The following IQCM variants were observed in gnomAD, a reference collection of about 807,000 sequenced individuals.
The protein encoded by IQCM is IQ domain-containing protein M.
In IQCM, 45 loss-of-function variants were observed where a neutral mutation model predicts 57.6. The observed-to-expected ratio is 0.78, with a 90% CI of 0.62 to 1.00. IQCM has a LOEUF of 1.00. Among genes scored for constraint, IQCM ranks in the 50% least tolerant of loss-of-function variants. The probability of loss-of-function intolerance (pLI) is 0.00; values close to 1 mark genes in which losing one functional copy is unlikely to be tolerated. For synonymous variants in IQCM, 148 were observed against 158.9 expected (o/e 0.93, Z 0.51); for missense variants, 468 against 511.6 (o/e 0.91, Z 0.82).
chr4:149,499,966 C>T (rs1743069835), intron 12 of IQCM, among the ~76,000 whole-genome samples: 2 of 152,202 alleles, frequency 1.3e-5, no homozygotes. Flanking sequence ...CTATAATGCA[C>T]TCCATTGTAA....
chr4:149,654,960 T>C (rs1252318604), intron 7 of IQCM, among the ~76,000 whole-genome samples: 8 of 144,252 alleles, frequency 5.5e-5, no homozygotes, highest in Non-Finnish European at 1.1e-4. Context: ...ATGTTTAAAA[T>C]TTCTTTTAAC....
At chr4:149,391,866 T>C (rs1232464417) in intron 13 of IQCM, among the ~76,000 whole-genome samples, 1 of 151,984 alleles carries the variant, frequency 6.6e-6, no homozygotes, top group Middle Eastern at 3.2e-3. Context: ...TCCTTGTACA[T>C]TTATTGAGGT....
intron 13 of IQCM, among the ~76,000 whole-genome samples, chr4:149,390,886 T>A (rs185406510): frequency 2.6e-5 from 4 of 151,896 alleles, no homozygotes; most frequent in Middle Eastern, 3.2e-3. Flanking sequence ...GTTTTGTTTT[T>A]TTTTTCTTTA....
At chr4:149,713,160 A>G (rs952178364) in intron 5 of IQCM, among the ~76,000 whole-genome samples, 2 of 152,008 alleles carry the variant, frequency 1.3e-5, no homozygotes, top group East Asian at 1.9e-4. Flanking sequence ...CCACTTTCCA[A>G]TCACCACTTT....
At chr4:149,578,958 C>T (rs563578143) in intron 9 of IQCM, among the ~76,000 whole-genome samples, 229 of 151,954 alleles carry the variant, frequency 1.5e-3, no homozygotes, top group Middle Eastern at 3.4e-3. Context: ...CCTCTCTATT[C>T]ACCCTCTTAA....
At chr4:149,656,149 C>A (rs1759618178) in intron 7 of IQCM, among the ~76,000 whole-genome samples, 1 of 151,920 alleles carries the variant, frequency 6.6e-6, no homozygotes, top group African/African-American at 2.4e-5. Flanking sequence ...CAAAGGAGAG[C>A]ATACATAAAA....
At chr4:149,603,893 T>C (rs947088554) in intron 8 of IQCM, among the ~76,000 whole-genome samples, 13 of 152,130 alleles carry the variant, frequency 8.5e-5, no homozygotes, top group African/African-American at 3.1e-4. Flanking sequence ...TTGAACTATG[T>C]GTATATGCAC....
chr4:149,741,256 G>A (rs1376499731), intron 3 of IQCM, among the ~76,000 whole-genome samples: 1 of 151,898 alleles, frequency 6.6e-6, no homozygotes, highest in Non-Finnish European at 1.5e-5. Flanking sequence ...CTTATTCTCT[G>A]GTCTTCTTTA....
intron 12 of IQCM, among the ~76,000 whole-genome samples, chr4:149,515,602 G>A (rs2149817283): frequency 6.6e-6 from 1 of 152,310 alleles, no homozygotes; most frequent in Non-Finnish European, 1.5e-5. Flanking sequence ...AAAGTGGACA[G>A]GTGCAGCACT....
At chr4:149,766,614 C>T (rs924020118) in intron 2 of IQCM, among the ~76,000 whole-genome samples, 6 of 152,140 alleles carry the variant, frequency 3.9e-5, no homozygotes, top group Non-Finnish European at 7.4e-5. Flanking sequence ...AGATTACTAT[C>T]AGAAAATAAA....
At chr4:149,468,023 G>T (rs1294983490) in intron 12 of IQCM, among the ~76,000 whole-genome samples, 2 of 152,124 alleles carry the variant, frequency 1.3e-5, no homozygotes, top group Non-Finnish European at 2.9e-5. Flanking sequence ...CTAGGGGGAG[G>T]CTCCAAGATG....
At chr4:149,452,355 T>C (rs1413529629) in intron 12 of IQCM, among the ~76,000 whole-genome samples, 2 of 150,818 alleles carry the variant, frequency 1.3e-5, no homozygotes, top group African/African-American at 4.9e-5. Flanking sequence ...CTAAAATATA[T>C]ATGAAAATAT....
At chr4:149,516,180 G>A (rs7660849) in intron 12 of IQCM, among the ~76,000 whole-genome samples, 1 of 152,194 alleles carries the variant, frequency 6.6e-6, no homozygotes, top group Non-Finnish European at 1.5e-5. Flanking sequence ...CCACTCCTCA[G>A]GGTGATCAGC....
intron 13 of IQCM, among the ~76,000 whole-genome samples, chr4:149,403,270 C>T (rs978542779): frequency 6.6e-6 from 1 of 151,938 alleles, no homozygotes; most frequent in Non-Finnish European, 1.5e-5. Flanking sequence ...GGCACAAGTT[C>T]CTGCATGTAA....
intron 12 of IQCM, among the ~76,000 whole-genome samples, chr4:149,505,118 T>C (rs1459629931): frequency 1.3e-5 from 2 of 152,084 alleles, no homozygotes; most frequent in South Asian, 2.1e-4. Flanking sequence ...CAACCTATAG[T>C]GTTACACATG....
At chr4:149,711,964 T>G (rs775870671) in intron 5 of IQCM, among the ~76,000 whole-genome samples, 2 of 152,214 alleles carry the variant, frequency 1.3e-5, no homozygotes, top group Non-Finnish European at 2.9e-5. Flanking sequence ...GCTTCTGGAA[T>G]AGTTTAAAAT....
chr4:149,637,349 C>T (rs1461558187), intron 7 of IQCM, among the ~76,000 whole-genome samples: 1 of 151,952 alleles, frequency 6.6e-6, no homozygotes, highest in African/African-American at 2.4e-5. Flanking sequence ...ACTGTACACT[C>T]AAACTATAGA....
intron 12 of IQCM, among the ~76,000 whole-genome samples, chr4:149,454,220 A>G (rs1737442991): frequency 1.3e-5 from 2 of 150,798 alleles, no homozygotes; most frequent in African/African-American, 4.9e-5. Context: ...ACACACAATT[A>G]CAATTTATGG....
At chr4:149,449,208 A>G (rs562813069) in intron 12 of IQCM, among the ~76,000 whole-genome samples, 2 of 139,800 alleles carry the variant, frequency 1.4e-5, no homozygotes, top group East Asian at 4.9e-4. Context: ...AAGGACACCA[A>G]TTTAACAAGT....
Sources: allele counts gnomAD v4.1 joint callset (sites outside exome capture counted in the v4.1 genomes callset), GRCh38; gene constraint gnomAD v4.1.1; transcripts MANE v1.5; gene names NCBI Gene and HGNC (gene_info 2026-07-23, HGNC 2026-07-21).